The following TMCC1 variants were observed in gnomAD, a reference collection of about 807,000 sequenced individuals.
The protein encoded by TMCC1 is transmembrane and coiled-coil domains protein 1.
Under a neutral mutation model 52.4 loss-of-function variants are expected in TMCC1, and 15 were observed. That is an observed-to-expected ratio of 0.29 (90% CI 0.19 to 0.44). TMCC1 has a LOEUF of 0.44. TMCC1 is among the 20% of genes least tolerant of loss of function. The pLI is 1.00. For synonymous variants in TMCC1, 279 were observed against 301.9 expected (o/e 0.92, Z 0.79); for missense variants, 503 against 806.0 (o/e 0.62, Z 4.55).
At position 129,827,843 on chromosome 3, in the gene TMCC1, G is replaced by T. The variant is rs1242844079; in HGVS notation, c.536C>A (p.Ala179Asp). 2.2e-5 allele frequency: 35 copies of T among 1,613,582 alleles called. No individual in the cohort carries two copies. The highest frequency in any genetic ancestry group is 3.0e-5 in the Non-Finnish European group (35 of 1,179,704). ...CTCCTCTCCTGGTAGACATGCAGCA[G>T]CAGCAGCAGCAGCAGCACAAGCTAT... ...MEIACAAAAAAAACLPGEEGT... is the reference protein window; with the variant it reads ...MEIACAAAAADAACLPGEEGT... Residue 179 changes from alanine to aspartate, a missense_variant, in exon 4 of 7, where the codon GCT becomes GAT. This residue lies in a region of TMCC1 where 217 missense variants were observed against 297.9 expected (regional missense o/e 0.73). Transcript: ENST00000393238.
chr3:129,760,563 C>T (rs1292805701), intron 4 of TMCC1, among the ~76,000 whole-genome samples: 2 of 151,708 alleles, frequency 1.3e-5, no homozygotes, highest in African/African-American at 2.4e-5. Context: ...CTACAAGCTC[C>T]GCCTCCCGGG....
At chr3:129,747,843 C>T (rs181159678) in intron 4 of TMCC1, among the ~76,000 whole-genome samples, 4 of 152,218 alleles carry the variant, frequency 2.6e-5, no homozygotes, top group East Asian at 3.9e-4. Context: ...GTCACCTGTC[C>T]GTACTCACTC....
intron 4 of TMCC1, among the ~76,000 whole-genome samples, chr3:129,767,483 T>C (rs531285801): frequency 2.2e-4 from 34 of 152,166 alleles, no homozygotes; most frequent in African/African-American, 7.9e-4. Context: ...AGCAAAGCTC[T>C]TGCCTCACCC....
chr3:129,688,389 T>C (rs1451406507), intron 4 of TMCC1: 6 of 985,306 alleles, frequency 6.1e-6, no homozygotes, highest in Non-Finnish European at 7.2e-6. Context: ...AGAATAACGC[T>C]GCAAATGAGG....
chr3:129,795,590 C>T (rs1576879568), intron 4 of TMCC1, among the ~76,000 whole-genome samples: 1 of 152,184 alleles, frequency 6.6e-6, no homozygotes, highest in African/African-American at 2.4e-5. Context: ...ATTTATTATC[C>T]TATTGATTTA....
At chr3:129,865,094 G>C (rs952831115) in intron 2 of TMCC1, among the ~76,000 whole-genome samples, 6 of 152,164 alleles carry the variant, frequency 3.9e-5, no homozygotes, top group Non-Finnish European at 8.8e-5. Flanking sequence ...GAAGCCCAGA[G>C]GAACAGCATC....
Position 129,654,916 on chromosome 3 carries a change from T to C in TMCC1, c.1647+52A>G, listed in dbSNP as rs564500563. On this transcript the variant is annotated intron_variant, in intron 6 of 6. Transcript: ENST00000393238. ...TTTTTCCTTCCGCTGTTTTCCTTTTTTCTTTCTAACCCTACTGTATTTTGC... is the reference window on the plus strand; with the variant it reads ...TTTTTCCTTCCGCTGTTTTCCTTTTCTCTTTCTAACCCTACTGTATTTTGC... 1.7e-5 allele frequency: 27 copies of C among 1,582,266 alleles called. 1 individual carries two copies. The South Asian group carries it at 2.6e-4, about 15-fold the overall frequency.
At chr3:129,823,293 T>A (rs536822106) in intron 4 of TMCC1, among the ~76,000 whole-genome samples, 1 of 151,826 alleles carries the variant, frequency 6.6e-6, no homozygotes, top group South Asian at 2.1e-4. Context: ...GCCACCGCAC[T>A]CCAGCCTGGG....
intron 4 of TMCC1, among the ~76,000 whole-genome samples, chr3:129,791,312 C>G (rs1220394467): frequency 6.6e-6 from 1 of 151,958 alleles, no homozygotes; most frequent in African/African-American, 2.4e-5. Flanking sequence ...CCAGGATGGT[C>G]TCGATCTCCT....
chr3:129,888,015 A>C (rs1450531406), intron 1 of TMCC1, among the ~76,000 whole-genome samples: 1 of 152,178 alleles, frequency 6.6e-6, no homozygotes, highest in East Asian at 1.9e-4. Flanking sequence ...TGACCTAAAA[A>C]ACATTAGAAA....
At chr3:129,833,223 A>G (rs2059001093) in intron 2 of TMCC1, among the ~76,000 whole-genome samples, 1 of 151,974 alleles carries the variant, frequency 6.6e-6, no homozygotes, top group African/African-American at 2.4e-5. Context: ...TATAAGTAAA[A>G]TTTTTTTTCA....
At chr3:129,846,621 ATCTTTC>A (rs2059676412) in intron 2 of TMCC1, among the ~76,000 whole-genome samples, 1 of 152,238 alleles carries the variant, frequency 6.6e-6, no homozygotes, top group Admixed American at 6.5e-5. Flanking sequence ...CTCAAAACAA[ATCTTTC>A]TCTTGACCTC....
chr3:129,753,327 G>A (rs2052698539), intron 4 of TMCC1, among the ~76,000 whole-genome samples: 1 of 152,104 alleles, frequency 6.6e-6, no homozygotes, highest in East Asian at 1.9e-4. Context: ...TGAATTTTAG[G>A]AAGGCAGTAA....
chr3:129,792,212 A>G (rs1273460025), intron 4 of TMCC1, among the ~76,000 whole-genome samples: 3 of 150,820 alleles, frequency 2.0e-5, no homozygotes, highest in African/African-American at 7.3e-5. Context: ...ACACATATAT[A>G]TATCTATGAA....
In TMCC1 at chr3:129,716,228, T is replaced by A. The variant is rs1170902247; in HGVS notation, c.577-44964A>T. Among the ~76,000 whole-genome samples, 4 of 134,058 alleles carry A rather than the reference T, an allele frequency of 3.0e-5. No homozygotes were observed. In the South Asian group the frequency reaches 9.9e-4, roughly 33 times the overall value. 87.9% of individuals were successfully genotyped at this position (134,058 alleles called of 152,430 possible). A position where few individuals can be genotyped will look rare whatever the true frequency, so the allele number is the denominator to read the frequency against. ...CCCAGGTTGGAGTGCAATGGCACAA[T>A]CTCGGCTAACTGTAACCTCTGCCTC... On this transcript the variant is annotated intron_variant, in intron 4 of 6. Coordinates refer to ENST00000393238, the MANE Select transcript of TMCC1 (RefSeq NM_001017395.5).
intron 4 of TMCC1, among the ~76,000 whole-genome samples, chr3:129,763,902 TAA>T (rs199688769): frequency 0.034 from 4,710 of 139,932 alleles, 216 homozygotes; most frequent in African/African-American, 0.11. Flanking sequence ...TCTACTTACT[TAA>T]AAAAAAAAAA....
At chr3:129,884,216 G>A (rs1292032261) in intron 1 of TMCC1, among the ~76,000 whole-genome samples, 1 of 151,794 alleles carries the variant, frequency 6.6e-6, no homozygotes, top group Non-Finnish European at 1.5e-5. Context: ...AGAACAAAGA[G>A]CACCAAAAAA....
In TMCC1 at chr3:129,693,632, G is replaced by A. The variant is rs186584038; in HGVS notation, c.577-22368C>T. Among the ~76,000 whole-genome samples the A allele has an allele frequency of 2.0e-5, 3 of 151,040 alleles. No individual in the cohort carries two copies. In the East Asian group the frequency reaches 5.9e-4, roughly 30 times the overall value. On this transcript the variant is annotated intron_variant, in intron 4 of 6. Transcript: ENST00000393238. The stretch of plus-strand genomic sequence containing the variant: ...CCCAAAGTGCTGGGATTATAGGCAT[G>A]AAACACTGTGCCCATCCCATGTTAT...
At chr3:129,677,277 G>T (rs1205020631) in intron 4 of TMCC1, among the ~76,000 whole-genome samples, 1 of 151,968 alleles carries the variant, frequency 6.6e-6, no homozygotes, top group African/African-American at 2.4e-5. Flanking sequence ...AGTGACTCAG[G>T]CTATAATATT....
Sources: gnomAD v4.1 joint callset for allele counts (sites outside exome capture counted in the v4.1 genomes callset) on GRCh38, gnomAD v4.1.1 for gene constraint, gnomAD v4.1.1 regional missense constraint, MANE v1.5 for transcripts, NCBI Gene and HGNC (gene_info 2026-07-23, HGNC 2026-07-21) for gene names.